Variants in RAPGEF2 observed in about 807,000 individuals in gnomAD.
RAPGEF2 encodes the protein PDZ domain containing guanine nucleotide exchange factor (GEF) 1.
RAPGEF2 carries 54 observed loss-of-function variants against 186.7 expected under a neutral mutation model. That is an observed-to-expected ratio of 0.29 (90% CI 0.23 to 0.36). RAPGEF2 has a LOEUF of 0.36. Among genes scored for constraint, RAPGEF2 ranks in the 10% least tolerant of loss-of-function variants. The pLI is 1.00. For synonymous variants in RAPGEF2, 712 were observed against 705.9 expected (o/e 1.01, Z -0.14); for missense variants, 1,532 against 2,045.0 (o/e 0.75, Z 4.84).
intron 4 of RAPGEF2, among the ~76,000 whole-genome samples, chr4:159,217,501 A>G (rs1751098944): frequency 6.6e-6 from 1 of 152,146 alleles, no homozygotes. Context: ...TTCTTTTTTA[A>G]GGCTAGTAGC....
chr4:159,238,775 TCTC>T lies in RAPGEF2; in HGVS notation c.282-30_282-28del, dbSNP rs750666604. ...ATCATACTACTTAAATCTCTGAGGTTCTCCTCATTGATTTTTTTTTTCTTTCTT... is the reference window on the plus strand; with the variant it reads ...ATCATACTACTTAAATCTCTGAGGTTCTCATTGATTTTTTTTTTCTTTCTT... On this transcript the variant is annotated intron_variant, in intron 4 of 29. Transcript: ENST00000691494. 12 of 1,461,874 alleles carry T rather than the reference TCTC, an allele frequency of 8.2e-6. 1 individual carries two copies. In the South Asian group the frequency reaches 9.1e-5, roughly 11 times the overall value. The allele number at this position is 1,461,874 out of a possible 1,614,324, so 90.6% of individuals were successfully genotyped here.
chr4:159,293,080 A>G (rs1761447893), intron 7 of RAPGEF2, among the ~76,000 whole-genome samples: 1 of 152,204 alleles, frequency 6.6e-6, no homozygotes, highest in Non-Finnish European at 1.5e-5. Context: ...ATATTAATAT[A>G]TGAAAATGTT....
At chr4:159,127,349 C>T (rs13119750) in intron 1 of RAPGEF2, among the ~76,000 whole-genome samples, 95,418 of 151,990 alleles carry the variant, frequency 0.63, 30,767 homozygotes, top group African/African-American at 0.78. Context: ...TTTTATGATA[C>T]TATTTACCTT....
At chr4:159,332,133 A>C (rs572138955) in intron 16 of RAPGEF2, 99 bp downstream of exon 16, 41 of 797,272 alleles carry the variant, frequency 5.1e-5, no homozygotes, top group Non-Finnish European at 1.8e-5. Context: ...CATAGATTAG[A>C]TCTAAATAAA....
At chr4:159,167,052 C>G (rs1019294259) in intron 1 of RAPGEF2, among the ~76,000 whole-genome samples, 2 of 151,718 alleles carry the variant, frequency 1.3e-5, no homozygotes, top group East Asian at 3.9e-4. Flanking sequence ...GAGAAGGCCC[C>G]GAAATGACCA....
chr4:159,112,294 G>A (rs1738584562), intron 1 of RAPGEF2, among the ~76,000 whole-genome samples: 1 of 152,132 alleles, frequency 6.6e-6, no homozygotes, highest in South Asian at 2.1e-4. Context: ...TAAATATAGA[G>A]CAAAGAGCAT....
chr4:159,121,268 A>T (rs1012210357), intron 1 of RAPGEF2, among the ~76,000 whole-genome samples: 8 of 152,180 alleles, frequency 5.3e-5, no homozygotes, highest in Admixed American at 2.0e-4. Context: ...AAAAATGTAC[A>T]GTTGAACCTT....
intron 17 of RAPGEF2, among the ~76,000 whole-genome samples, chr4:159,337,909 A>G (rs1305498485): frequency 6.7e-6 from 1 of 148,666 alleles, no homozygotes; most frequent in Non-Finnish European, 1.5e-5. Flanking sequence ...AAAAAAAAAA[A>G]AAAAGAAAGA....
intron 1 of RAPGEF2, among the ~76,000 whole-genome samples, chr4:159,145,559 A>G (rs1235119743): frequency 6.6e-6 from 1 of 152,196 alleles, no homozygotes; most frequent in Non-Finnish European, 1.5e-5. Flanking sequence ...TGTGATCTAT[A>G]TAACAGCCTA....
At chr4:159,338,278 G>A in intron 17 of RAPGEF2, 33 bp from the exon 18 acceptor site, 3 of 1,583,510 alleles carry the variant, frequency 1.9e-6, no homozygotes, top group Non-Finnish European at 2.6e-6. Context: ...TTTTTAACTT[G>A]TTGATAATTT....
intron 7 of RAPGEF2, among the ~76,000 whole-genome samples, chr4:159,270,684 T>C (rs1180045971): frequency 2.0e-5 from 3 of 152,206 alleles, no homozygotes; most frequent in Non-Finnish European, 4.4e-5. Flanking sequence ...TGCCGGCACA[T>C]AATAGACGTA....
chr4:159,111,794 A>G (rs561979294), intron 1 of RAPGEF2, among the ~76,000 whole-genome samples: 1 of 152,354 alleles, frequency 6.6e-6, no homozygotes, highest in Admixed American at 6.5e-5. Flanking sequence ...AGATAAATGT[A>G]GATTCACATA....
chr4:159,309,143 G>C (rs1242220232), intron 8 of RAPGEF2, among the ~76,000 whole-genome samples: 1 of 152,162 alleles, frequency 6.6e-6, no homozygotes, highest in Non-Finnish European at 1.5e-5. Flanking sequence ...TCTAACTGCA[G>C]ATCATAGCTT....
chr4:159,235,904 G>A (rs768736396), intron 4 of RAPGEF2, among the ~76,000 whole-genome samples: 43 of 152,042 alleles, frequency 2.8e-4, no homozygotes, highest in Non-Finnish European at 6.2e-4. Flanking sequence ...CTTCTGGTTT[G>A]TGAGCTAAGA....
intron 7 of RAPGEF2, among the ~76,000 whole-genome samples, chr4:159,261,122 T>C (rs1247340230): frequency 1.3e-5 from 2 of 151,050 alleles, no homozygotes; most frequent in Non-Finnish European, 2.9e-5. Context: ...AGTGCAGTGG[T>C]GCAATCTTGG....
At chr4:159,251,953 G>A (rs937294563) in intron 7 of RAPGEF2, among the ~76,000 whole-genome samples, 1 of 151,960 alleles carries the variant, frequency 6.6e-6, no homozygotes, top group African/African-American at 2.4e-5. Flanking sequence ...CACTCACCGC[G>A]GAGGTCTGCA....
At chr4:159,225,291 T>C (rs1395077431) in intron 4 of RAPGEF2, among the ~76,000 whole-genome samples, 1 of 152,210 alleles carries the variant, frequency 6.6e-6, no homozygotes, top group Admixed American at 6.5e-5. Flanking sequence ...TGGTCTATTT[T>C]AGCAAGCCAT....
At chr4:159,184,734 C>T (rs953162295) in intron 1 of RAPGEF2, among the ~76,000 whole-genome samples, 21 of 152,164 alleles carry the variant, frequency 1.4e-4, no homozygotes, top group African/African-American at 4.6e-4. Flanking sequence ...TGTGCAGAAG[C>T]TCTTTAGTTT....
intron 7 of RAPGEF2, among the ~76,000 whole-genome samples, chr4:159,279,023 A>G (rs1276069031): frequency 6.6e-6 from 1 of 152,156 alleles, no homozygotes; most frequent in Non-Finnish European, 1.5e-5. Flanking sequence ...TCCATCCCCT[A>G]CGGTTCCATA....
Sources: allele counts gnomAD v4.1 joint callset (sites outside exome capture counted in the v4.1 genomes callset), GRCh38; gene constraint gnomAD v4.1.1; transcripts MANE v1.5; gene names NCBI Gene and HGNC (gene_info 2026-07-23, HGNC 2026-07-21).